DRD2: variants seen among roughly 807,000 people sequenced by gnomAD.
DRD2 encodes the protein D(2) dopamine receptor.
A neutral mutation model predicts 38.0 loss-of-function variants in DRD2; 8 were observed. The ratio of observed to expected loss-of-function variants is 0.21; its 90% CI spans 0.12 to 0.38. The LOEUF (loss-of-function observed/expected upper bound fraction) is 0.38, where lower values mean the gene tolerates loss of function less well. Among genes scored for constraint, DRD2 ranks in the 10% least tolerant of loss-of-function variants. The pLI is 1.00. For missense variants in DRD2, 403 were observed against 607.7 expected, an observed-to-expected ratio of 0.66 and a Z score of 3.54; for synonymous variants, 230 against 238.6, an observed-to-expected ratio of 0.96 and a Z score of 0.33.
intron 1 of DRD2, among the ~76,000 whole-genome samples, chr11:113,450,931 C>T (rs1951204788): frequency 6.6e-6 from 1 of 152,140 alleles, no homozygotes; most frequent in African/African-American, 2.4e-5. Flanking sequence ...AGGGCTCTGA[C>T]CAGGCTCTAA....
intron 1 of DRD2, among the ~76,000 whole-genome samples, chr11:113,434,301 T>C (rs1176715486): frequency 2.0e-5 from 3 of 152,216 alleles, no homozygotes; most frequent in African/African-American, 7.2e-5. Flanking sequence ...GCCTTGGCAA[T>C]AGCACATGCT....
At chr11:113,413,284 C>G in intron 6 of DRD2, 1 of 551,570 alleles carries the variant, frequency 1.8e-6, no homozygotes, top group Non-Finnish European at 3.5e-6. Flanking sequence ...GGGTGCCCAC[C>G]CCTGTTCTCC....
intron 1 of DRD2, among the ~76,000 whole-genome samples, chr11:113,463,650 C>T (rs996606344): frequency 5.3e-5 from 8 of 152,054 alleles, no homozygotes; most frequent in Non-Finnish European, 1.0e-4. Context: ...TGCGTGTTTG[C>T]GGGGGCGGGG....
At chr11:113,470,720 T>C (rs1378767960) in intron 1 of DRD2, among the ~76,000 whole-genome samples, 1 of 152,210 alleles carries the variant, frequency 6.6e-6, no homozygotes, top group African/African-American at 2.4e-5. Context: ...CTACTTCTCC[T>C]CTGCTCTCAC....
At chr11:113,443,658 C>T (rs552523137) in intron 1 of DRD2, among the ~76,000 whole-genome samples, 76 of 152,316 alleles carry the variant, frequency 5.0e-4, no homozygotes, top group African/African-American at 1.7e-3. Context: ...AGTTAGTCCT[C>T]TGCCAAACCT....
At chr11:113,447,788 GC>G (rs772562523) in intron 1 of DRD2, 1 of 152,200 alleles carries the variant, frequency 6.6e-6, no homozygotes, top group Non-Finnish European at 1.5e-5. Flanking sequence ...CCCTCTTCTG[GC>G]CCTGGATGTC....
chr11:113,459,794 T>G (rs780372150), intron 1 of DRD2, among the ~76,000 whole-genome samples: 12 of 152,212 alleles, frequency 7.9e-5, no homozygotes, highest in Non-Finnish European at 1.5e-4. Flanking sequence ...TGGAATATTC[T>G]CAACATAAAG....
Position 113,416,882 on chromosome 11 carries a change from G to A in DRD2, c.513C>T (p.Leu171=), listed in dbSNP as rs1950833063. 2 of 1,614,130 alleles carry A rather than the reference G, an allele frequency of 1.2e-6. No individual in the cohort carries two copies. The highest frequency in any genetic ancestry group is 1.7e-6 in the Non-Finnish European group (2 of 1,179,994). Residue 171 remains leucine, a synonymous_variant, in exon 4 of 8, where the codon CTC becomes CTT. Transcript: ENST00000362072. ...VLSFTISCPL[L]FGLNNADQNE... Reference sequence around the variant, plus strand: ...ATGTACCTGCGTTATTGAGTCCGAAGAGGAGTGGGCAGGAGATGGTGAAGG... The same window carrying A: ...ATGTACCTGCGTTATTGAGTCCGAAAAGGAGTGGGCAGGAGATGGTGAAGG...
chr11:113,473,873 C>T lies in DRD2; in HGVS notation c.-32+1203G>A, dbSNP rs538736848. On this transcript the variant is annotated intron_variant, in intron 1 of 7. Coordinates refer to ENST00000362072, the MANE Select transcript of DRD2 (RefSeq NM_000795.4). ...GCAGGATGAATCAGAGATAAGCATG[C>T]ATATTTGCATTTGAAGCAGGGTGGG... Among the ~76,000 whole-genome samples the T allele has an allele frequency of 3.3e-5, 5 of 152,202 alleles. No individual in the cohort carries two copies. The South Asian group carries it at 1.0e-3, about 32-fold the overall frequency.
At chr11:113,457,661 T>C (rs1951280046) in intron 1 of DRD2, among the ~76,000 whole-genome samples, 1 of 152,162 alleles carries the variant, frequency 6.6e-6, no homozygotes, top group Non-Finnish European at 1.5e-5. Context: ...TGAAAATTTG[T>C]CTAAGTTCTC....
At chr11:113,431,504 T>C (rs995296084) in intron 1 of DRD2, among the ~76,000 whole-genome samples, 4 of 152,228 alleles carry the variant, frequency 2.6e-5, no homozygotes, top group Non-Finnish European at 5.9e-5. Flanking sequence ...GATCTCCTCA[T>C]CTGTCTCCAG....
rs79266662 is a variant in DRD2, at chr11:113,410,720, A to G, written c.*7T>C. On this transcript the variant is annotated 3_prime_UTR_variant, in exon 8 of 8. Transcript: ENST00000362072. The stretch of plus-strand genomic sequence containing the variant: ...GAAGCAGGCTGCTGTGCGGGCAGGC[A>G]GCAGAGTCAGCAGTGGAGGATCTTC... 8.1e-6 allele frequency: 13 copies of G among 1,614,062 alleles called. No homozygotes were observed. The highest frequency in any genetic ancestry group is 1.3e-5 in the African/African-American group (1 of 74,934).
At position 113,424,436 on chromosome 11, in the gene DRD2, C is replaced by T; in HGVS notation, c.216G>A (p.Leu72=). The part of the protein sequence containing the change: ...EKALQTTTNY[L]IVSLAVADLL... ...GGTCGGCCACTGCGAGGCTGACGAT[C>T]AGGTAGTTGGTGGTGGTCTGCAGCG... The change falls in exon 2 of 8, where the codon CTG becomes CTA. Residue 72 remains leucine (L), a synonymous_variant. Coordinates refer to ENST00000362072, the MANE Select transcript of DRD2 (RefSeq NM_000795.4). The T allele has an allele frequency of 6.2e-7, 1 of 1,614,230 alleles. No homozygotes were observed. Among genetic ancestry groups the T allele is most frequent in the Non-Finnish European group, 8.5e-7 (1 of 1,180,056 alleles).
intron 1 of DRD2, among the ~76,000 whole-genome samples, chr11:113,426,089 A>C (rs1950939291): frequency 6.6e-6 from 1 of 152,096 alleles, no homozygotes; most frequent in Admixed American, 6.5e-5. Flanking sequence ...TGGTCATCTG[A>C]ACGAAGATAG....
intron 1 of DRD2, among the ~76,000 whole-genome samples, chr11:113,432,194 G>C (rs1463290089): frequency 6.6e-6 from 1 of 152,304 alleles, no homozygotes; most frequent in South Asian, 2.1e-4. Flanking sequence ...GATGGAGTGG[G>C]GTGAAAAGGG....
At chr11:113,431,704 G>T (rs146142879) in intron 1 of DRD2, among the ~76,000 whole-genome samples, 548 of 152,322 alleles carry the variant, frequency 3.6e-3, no homozygotes, top group African/African-American at 0.011. Context: ...GGTCTAGAAT[G>T]CATCAAGGTG....
intron 1 of DRD2, among the ~76,000 whole-genome samples, chr11:113,445,690 A>G (rs1193156011): frequency 1.3e-5 from 2 of 152,208 alleles, no homozygotes; most frequent in Admixed American, 6.5e-5. Flanking sequence ...AGGGGAATTA[A>G]TATCTGTCAA....
rs146458592 is a variant in DRD2 at position 113,434,906 on chromosome 11, G to A, written c.-31-10224C>T. On this transcript the variant is annotated intron_variant, in intron 1 of 7. Coordinates refer to ENST00000362072, the MANE Select transcript of DRD2 (RefSeq NM_000795.4). Reference sequence around the variant, plus strand: ...TGTCCCCAGGGGGAGGCTGGAGCACGCACAGTTCCTTGCCCAGCTATCGAA... The same window carrying A: ...TGTCCCCAGGGGGAGGCTGGAGCACACACAGTTCCTTGCCCAGCTATCGAA... Among the ~76,000 whole-genome samples the A allele has an allele frequency of 8.9e-3, 1,351 of 152,322 alleles. 20 individuals are homozygous for A. Among genetic ancestry groups the A allele is most frequent in the African/African-American group, 0.03 (1,266 of 41,584 alleles).
At chr11:113,452,831 T>C (rs771428970) in intron 1 of DRD2, among the ~76,000 whole-genome samples, 12 of 151,988 alleles carry the variant, frequency 7.9e-5, no homozygotes, top group South Asian at 2.1e-4. Flanking sequence ...TATTTTTTTT[T>C]AGTAGAGACG....
Sources: allele counts gnomAD v4.1 joint callset (sites outside exome capture counted in the v4.1 genomes callset), GRCh38; gene constraint gnomAD v4.1.1; transcripts MANE v1.5; gene names NCBI Gene and HGNC (gene_info 2026-07-23, HGNC 2026-07-21).